Variants in EPHA3 observed in about 807,000 individuals in gnomAD.
EPHA3 encodes the protein EPH receptor A3.
EPHA3 carries 42 observed loss-of-function variants against 107.1 expected under a neutral mutation model. That is an observed-to-expected ratio of 0.39 (90% CI 0.31 to 0.51). EPHA3 has a LOEUF of 0.51. Ranked by LOEUF, EPHA3 falls within the 20% of genes least tolerant of loss-of-function variation. The pLI is 0.78. For missense variants in EPHA3, 1,183 were observed against 1,211.2 expected (o/e 0.98, Z 0.35); for synonymous variants, 461 against 424.8 (o/e 1.09, Z -1.05).
intron 1 of EPHA3, among the ~76,000 whole-genome samples, chr3:89,110,472 C>G (rs1032225813): frequency 2.0e-5 from 3 of 151,840 alleles, no homozygotes; most frequent in Non-Finnish European, 2.9e-5. Flanking sequence ...AATGTATTTA[C>G]AAATATCTCT....
rs1181908671 is a variant in EPHA3 at position 89,217,262 on chromosome 3, C to T, written c.814+6742C>T. Among the ~76,000 whole-genome samples the T allele has an allele frequency of 2.0e-5, 3 of 152,086 alleles. No homozygotes were observed. In the East Asian group the frequency reaches 5.8e-4, roughly 29 times the overall value. On this transcript the variant is annotated intron_variant, in intron 3 of 16. Transcript: ENST00000336596. ...AAAGAAAGAGCCTTTTGGAAATAAT[C>T]ACATAACTAGAAAAGCTGCATATAT...
At position 89,429,102 on chromosome 3, in the gene EPHA3, C is replaced by A. The variant is rs1709511050; in HGVS notation, c.2075-4C>A. On this transcript the variant is annotated splice_region_variant and splice_polypyrimidine_tract_variant and intron_variant, in intron 11 of 16. Coordinates refer to ENST00000336596, the MANE Select transcript of EPHA3 (RefSeq NM_005233.6). The stretch of plus-strand genomic sequence containing the variant: ...TTATTATTTATTATTTACTGTATAT[C>A]TAGGTAAGCCAGTTATGATTGTCAC... The A allele has an allele frequency of 6.3e-7, 1 of 1,597,424 alleles. No homozygotes were observed. The highest frequency in any genetic ancestry group is 8.6e-7 in the Non-Finnish European group (1 of 1,165,832).
intron 3 of EPHA3, among the ~76,000 whole-genome samples, chr3:89,213,995 T>C (rs1704167614): frequency 1.3e-5 from 2 of 151,964 alleles, no homozygotes; most frequent in Non-Finnish European, 2.9e-5. Context: ...ATAACTTTAA[T>C]ATAACAAATT....
At chr3:89,418,533 A>G (rs754528447) in intron 10 of EPHA3, among the ~76,000 whole-genome samples, 1 of 151,390 alleles carries the variant, frequency 6.6e-6, no homozygotes, top group African/African-American at 2.4e-5. Context: ...CAAATTCTGG[A>G]TTAATTGCAC....
At chr3:89,369,288 G>A (rs1166271055) in intron 5 of EPHA3, among the ~76,000 whole-genome samples, 1 of 150,780 alleles carries the variant, frequency 6.6e-6, no homozygotes, top group African/African-American at 2.4e-5. Context: ...CATGGTACTG[G>A]TACCAAAACA....
chr3:89,183,721 G>C (rs1399891999), intron 2 of EPHA3, among the ~76,000 whole-genome samples: 1 of 151,936 alleles, frequency 6.6e-6, no homozygotes, highest in African/African-American at 2.4e-5. Flanking sequence ...TGCTTTATGA[G>C]CAGAAATCTA....
chr3:89,474,413 T>C (rs757613363), intron 16 of EPHA3, among the ~76,000 whole-genome samples: 3 of 152,206 alleles, frequency 2.0e-5, no homozygotes, highest in Non-Finnish European at 4.4e-5. Context: ...TCTCAGGATA[T>C]AGTCATGTGT....
At chr3:89,468,067 A>C (rs1031114698) in intron 15 of EPHA3, among the ~76,000 whole-genome samples, 1 of 152,182 alleles carries the variant, frequency 6.6e-6, no homozygotes, top group African/African-American at 2.4e-5. Flanking sequence ...CTTGGTGCGC[A>C]TGAAGAGACA....
At chr3:89,457,619 T>A (rs1710125569) in intron 15 of EPHA3, among the ~76,000 whole-genome samples, 1 of 152,166 alleles carries the variant, frequency 6.6e-6, no homozygotes, top group Non-Finnish European at 1.5e-5. Context: ...TGGGGACCGC[T>A]GCGATAGATG....
chr3:89,111,154 A>G (rs1707096150), intron 1 of EPHA3, among the ~76,000 whole-genome samples: 2 of 152,182 alleles, frequency 1.3e-5, no homozygotes, highest in South Asian at 4.1e-4. Context: ...TAAATACTAG[A>G]GGAAACTATG....
Position 89,122,780 on chromosome 3 carries a change from C to T in EPHA3, c.89-4429C>T, listed in dbSNP as rs75690227. On this transcript the variant is annotated intron_variant, in intron 1 of 16. Transcript: ENST00000336596. ...TTAATCCGCCCTCACTAACTGGGAA[C>T]ATTTGTTTCAAGCCCTTCTTTTAGT... Among the ~76,000 whole-genome samples, 1,201 of 152,272 alleles carry T rather than the reference C, an allele frequency of 7.9e-3. 10 individuals carry two copies. Among genetic ancestry groups the T allele is most frequent in the Non-Finnish European group, 0.013 (911 of 68,018 alleles).
intron 3 of EPHA3, among the ~76,000 whole-genome samples, chr3:89,317,840 C>A (rs1231056399): frequency 1.3e-5 from 2 of 151,682 alleles, no homozygotes; most frequent in Non-Finnish European, 1.5e-5. Context: ...TGAGGTAATG[C>A]ATTCTTTTGT....
intron 5 of EPHA3, among the ~76,000 whole-genome samples, chr3:89,372,111 T>C (rs544213659): frequency 6.6e-5 from 10 of 151,804 alleles, no homozygotes; most frequent in African/African-American, 2.4e-4. Context: ...GTCTGAAACA[T>C]TCCGATAAAA....
At position 89,161,019 on chromosome 3, in the gene EPHA3, G is replaced by T. The variant is rs182147943; in HGVS notation, c.153+33746G>T. ...AAATTATTAATGCATTTAAAAATTA[G>T]CAGTAAGTCCACTAGAAGGATGTTA... On this transcript the variant is annotated intron_variant, in intron 2 of 16. Coordinates refer to ENST00000336596, the MANE Select transcript of EPHA3 (RefSeq NM_005233.6). 2.6e-5 allele frequency among the ~76,000 whole-genome samples: 4 copies of T among 152,186 alleles called. No homozygotes were observed. In the East Asian group the frequency reaches 7.7e-4, roughly 29 times the overall value.
At chr3:89,180,977 C>A (rs1352520633) in intron 2 of EPHA3, among the ~76,000 whole-genome samples, 1 of 151,840 alleles carries the variant, frequency 6.6e-6, no homozygotes, top group Non-Finnish European at 1.5e-5. Context: ...GACTGATAAA[C>A]CCCTTTAAAT....
At chr3:89,334,678 C>T (rs1203863310) in intron 3 of EPHA3, among the ~76,000 whole-genome samples, 2 of 152,152 alleles carry the variant, frequency 1.3e-5, no homozygotes, top group Non-Finnish European at 1.5e-5. Context: ...TAGGAAATAA[C>T]TCCTGTCTCT....
intron 3 of EPHA3, among the ~76,000 whole-genome samples, chr3:89,308,487 C>A (rs1706681454): frequency 6.6e-6 from 1 of 151,918 alleles, no homozygotes; most frequent in Admixed American, 6.6e-5. Context: ...GGAACCCTGG[C>A]ATAGGAAGCA....
intron 2 of EPHA3, among the ~76,000 whole-genome samples, chr3:89,207,358 T>C (rs1299379243): frequency 6.6e-6 from 1 of 152,094 alleles, no homozygotes; most frequent in African/African-American, 2.4e-5. Context: ...GCAACAAGAA[T>C]TGAAAAACTA....
chr3:89,138,506 T>A (rs890637355), intron 2 of EPHA3, among the ~76,000 whole-genome samples: 1 of 151,940 alleles, frequency 6.6e-6, no homozygotes, highest in Non-Finnish European at 1.5e-5. Flanking sequence ...AATATAAGGT[T>A]GTCTGGGAAA....
Sources: gnomAD v4.1 joint callset for allele counts (sites outside exome capture counted in the v4.1 genomes callset) on GRCh38, gnomAD v4.1.1 for gene constraint, MANE v1.5 for transcripts, NCBI Gene and HGNC (gene_info 2026-07-23, HGNC 2026-07-21) for gene names.